Variants in PCDHA5 observed in about 807,000 individuals in gnomAD.
PCDHA5 encodes protocadherin alpha 5.
In PCDHA5, 43 loss-of-function variants were observed where a neutral mutation model predicts 61.6. The ratio of observed to expected loss-of-function variants is 0.70; its 90% CI spans 0.55 to 0.90. PCDHA5 has a LOEUF of 0.90. Among genes scored for constraint, PCDHA5 ranks in the 40% least tolerant of loss-of-function variants. The pLI, the probability that PCDHA5 is intolerant of heterozygous loss-of-function variation, is 0.00. For synonymous variants in PCDHA5, 627 were observed against 543.9 expected (o/e 1.15, Z -2.13); for missense variants, 1,298 against 1,222.7 (o/e 1.06, Z -0.92).
At chr5:140,869,590 G>GAAGA in intron 1 of PCDHA5, 3 of 1,614,102 alleles carry the variant, frequency 1.9e-6, no homozygotes, top group Non-Finnish European at 2.5e-6. Context: ...TGCTGACATT[G>GAAGA]AAGAGAATGC....
rs2045092638 is a variant in PCDHA5, at chr5:140,858,000, A to G, written c.2352+33873A>G. The stretch of plus-strand genomic sequence containing the variant: ...CGCCAGCGCCTACTGGTGCTGGTGA[A>G]GGACCATGGCGAGCCGTCGCTGACG... On this transcript the variant is annotated intron_variant, in intron 1 of 3. Coordinates refer to ENST00000529859, the MANE Select transcript of PCDHA5 (RefSeq NM_018908.3). 1.0e-5 allele frequency: 16 copies of G among 1,596,802 alleles called. 2 individuals carry two copies. Among genetic ancestry groups the G allele is most frequent in the Non-Finnish European group, 1.4e-5 (16 of 1,167,152 alleles).
At chr5:140,877,284 C>T (rs1318334277) in intron 1 of PCDHA5, 3 of 1,613,900 alleles carry the variant, frequency 1.9e-6, no homozygotes, top group Non-Finnish European at 2.5e-6. Context: ...CCGGCTATAA[C>T]GCTTGGCTGT....
intron 1 of PCDHA5, chr5:140,860,591 G>A (rs1379623651): frequency 6.6e-6 from 1 of 152,168 alleles, no homozygotes; most frequent in Non-Finnish European, 1.5e-5. Context: ...TAGGAAAGGA[G>A]TTGGAAGCTC....
chr5:140,831,444 C>T (rs1029779683), intron 1 of PCDHA5, among the ~76,000 whole-genome samples: 11 of 151,230 alleles, frequency 7.3e-5, no homozygotes, highest in Admixed American at 1.3e-4. Context: ...ACTGCACCCT[C>T]GAATGCCTGG....
intron 1 of PCDHA5, chr5:140,836,827 G>C: frequency 1.0e-6 from 1 of 968,068 alleles, no homozygotes; most frequent in African/African-American, 1.7e-5. Context: ...TTCTTTTTTA[G>C]TTGATAGCTT....
chr5:140,874,500 C>T (rs1241228989), intron 1 of PCDHA5, among the ~76,000 whole-genome samples: 1 of 152,220 alleles, frequency 6.6e-6, no homozygotes, highest in African/African-American at 2.4e-5. Context: ...ATCAAGTTCA[C>T]ATTCTCTTGA....
chr5:140,864,654 C>T (rs1554159035), intron 1 of PCDHA5: 1 of 152,246 alleles, frequency 6.6e-6, no homozygotes, highest in Non-Finnish European at 1.5e-5. Context: ...GTCAGCTCTA[C>T]TTAATTACCT....
At chr5:140,824,438 T>G in intron 1 of PCDHA5, 1 of 481,602 alleles carries the variant, frequency 2.1e-6, no homozygotes, top group Non-Finnish European at 3.6e-6. Context: ...AAAGTTTCAG[T>G]TTATGACTAC....
chr5:140,906,846 G>T (rs2072987315), intron 1 of PCDHA5, among the ~76,000 whole-genome samples: 1 of 152,186 alleles, frequency 6.6e-6, no homozygotes, highest in Non-Finnish European at 1.5e-5. Context: ...CATCTTGAGA[G>T]TCTGGGTCAG....
At chr5:140,848,972 T>G in intron 1 of PCDHA5, 3 of 1,601,076 alleles carry the variant, frequency 1.9e-6, no homozygotes, top group Non-Finnish European at 2.6e-6. Context: ...GCGCGTCCGA[T>G]GCAGATATCG....
intron 1 of PCDHA5, chr5:140,871,675 T>C (rs1474564343): frequency 8.8e-7 from 1 of 1,142,376 alleles, no homozygotes; most frequent in African/African-American, 1.6e-5. Flanking sequence ...CTTTTAATCA[T>C]ATGAATAATC....
chr5:140,822,389 A>G lies in PCDHA5; in HGVS notation c.614A>G (p.Gln205Arg). The change falls in exon 1 of 4, where the codon CAA becomes CGA. Residue 205 changes from glutamine to arginine, a missense_variant. Coordinates refer to ENST00000529859, the MANE Select transcript of PCDHA5 (RefSeq NM_018908.3). ...LRKSLDREET[Q>R]EHRLLVIATD... is the part of the protein sequence containing the mutation. ...AAATCCTTAGATAGAGAAGAAACACAAGAACACCGTTTATTAGTGATTGCA... is the reference window on the plus strand; with the variant it reads ...AAATCCTTAGATAGAGAAGAAACACGAGAACACCGTTTATTAGTGATTGCA... 1 of 1,614,136 alleles carries G rather than the reference A, an allele frequency of 6.2e-7. No individual in the cohort carries two copies. The highest frequency in any genetic ancestry group is 1.1e-5 in the South Asian group (1 of 91,088).
intron 1 of PCDHA5, among the ~76,000 whole-genome samples, chr5:140,839,422 C>T (rs1398340134): frequency 1.3e-5 from 2 of 151,902 alleles, no homozygotes; most frequent in Non-Finnish European, 2.9e-5. Flanking sequence ...CAGGGTCTCA[C>T]TCTGTAGCCC....
rs565441433 is a variant in PCDHA5, at chr5:141,011,340, A to G, written c.*1403A>G. 6.5e-6 allele frequency: 1 copy of G among 153,828 alleles called. No homozygotes were observed. Among genetic ancestry groups the G allele is most frequent in the African/African-American group, 2.4e-5 (1 of 41,570 alleles). 9.5% of individuals were successfully genotyped at this position (153,828 alleles called of 1,614,324 possible). On this transcript the variant is annotated 3_prime_UTR_variant, in exon 4 of 4. Transcript: ENST00000529859. Reference sequence around the variant, plus strand: ...ACTAACACCTATGATGTTACCTGAAATCAATCTCCCATATGTATGCTGTAT... The same window carrying G: ...ACTAACACCTATGATGTTACCTGAAGTCAATCTCCCATATGTATGCTGTAT...
In PCDHA5 at chr5:140,850,593, C is replaced by G. The variant is rs2150490576; in HGVS notation, c.2352+26466C>G. The stretch of plus-strand genomic sequence containing the variant: ...GACGCTGGTGGATGTCAACGTGTAC[C>G]TGATCATCGCCATCTGCGCGGTGTC... On this transcript the variant is annotated intron_variant, in intron 1 of 3. Coordinates refer to ENST00000529859, the MANE Select transcript of PCDHA5 (RefSeq NM_018908.3). 25 of 1,598,524 alleles carry G rather than the reference C, an allele frequency of 1.6e-5. 1 individual carries two copies. The highest frequency in any genetic ancestry group is 5.5e-5 in the South Asian group (5 of 90,556).
chr5:140,898,542 T>G (rs368410152), intron 1 of PCDHA5, among the ~76,000 whole-genome samples: 2 of 152,286 alleles, frequency 1.3e-5, no homozygotes, highest in East Asian at 3.9e-4. Context: ...CTGTTCCATT[T>G]ATCTATGTCT....
intron 1 of PCDHA5, chr5:140,869,178 G>A (rs200717410): frequency 1.0e-4 from 168 of 1,613,870 alleles, no homozygotes; most frequent in Non-Finnish European, 1.3e-4. Flanking sequence ...AATTCTGGGA[G>A]GTGGGGAGCG....
chr5:140,834,595 G>C (rs2150222436), intron 1 of PCDHA5: 5 of 1,614,156 alleles, frequency 3.1e-6, no homozygotes, highest in East Asian at 2.2e-5. Flanking sequence ...TGCAAATTCC[G>C]TGGGGATCTT....
At chr5:140,877,189 G>T (rs370743077) in intron 1 of PCDHA5, 3 of 1,613,808 alleles carry the variant, frequency 1.9e-6, no homozygotes, top group Admixed American at 1.7e-5. Context: ...GGCTGGCAGC[G>T]CAGGAGGCGC....
Sources: gnomAD v4.1 joint callset for allele counts (sites outside exome capture counted in the v4.1 genomes callset) on GRCh38, gnomAD v4.1.1 for gene constraint, MANE v1.5 for transcripts, NCBI Gene and HGNC (gene_info 2026-07-23, HGNC 2026-07-21) for gene names.